SGTA: variants seen among roughly 807,000 people sequenced by gnomAD.
SGTA encodes small glutamine rich tetratricopeptide repeat co-chaperone alpha, also known as small glutamine-rich tetratricopeptide repeat-containing protein alpha.
In SGTA, 22 loss-of-function variants were observed where a neutral mutation model predicts 44.3. That is an observed-to-expected ratio of 0.50 (90% CI 0.36 to 0.71). SGTA has a LOEUF of 0.71. Among genes scored for constraint, SGTA ranks in the 30% least tolerant of loss-of-function variants. The pLI, the probability that SGTA is intolerant of heterozygous loss-of-function variation, is 0.00. For synonymous variants in SGTA, 174 were observed against 177.6 expected, an observed-to-expected ratio of 0.98 and a Z score of 0.16; for missense variants, 341 against 435.9, an observed-to-expected ratio of 0.78 and a Z score of 1.94.
At chr19:2,770,915 T>C in intron 1 of SGTA, 1 of 153,164 alleles carries the variant, frequency 6.5e-6, no homozygotes. Flanking sequence ...AAATCAATCT[T>C]GGTTGTTTTA....
At chr19:2,773,730 G>T (rs112816494) in intron 1 of SGTA, among the ~76,000 whole-genome samples, 1 of 26,616 alleles carries the variant, frequency 3.8e-5, no homozygotes, top group Non-Finnish European at 5.4e-5. Context: ...GCCACACGGC[G>T]GGGACACCGA....
Position 2,755,046 on chromosome 19 carries a change from T to C in SGTA, c.*894A>G, listed in dbSNP as rs2144714714. 6.6e-6 allele frequency: 1 copy of C among 152,312 alleles called. No homozygotes were observed. The highest frequency in any genetic ancestry group is 1.9e-4 in the East Asian group (1 of 5,162). 9.4% of individuals were successfully genotyped at this position (152,312 alleles called of 1,614,324 possible). ...GGGCCAAGGTGGGTGGCACCTGAGG[T>C]GTCCCGTGGCCTCCACCCAGCACAG... On this transcript the variant is annotated 3_prime_UTR_variant, in exon 12 of 12. Coordinates refer to ENST00000221566, the MANE Select transcript of SGTA (RefSeq NM_003021.4). This position sits in a 1 kb window ranked among gnomAD's most constrained non-coding sequence, Gnocchi z 5.2.
In SGTA at chr19:2,759,450, A is replaced by C. The variant is rs1327590309; in HGVS notation, c.700-156T>G. The C allele has an allele frequency of 4.5e-6, 3 of 660,376 alleles. No homozygotes were observed. The African/African-American group carries it at 5.4e-5, about 12-fold the overall frequency. The allele number at this position is 660,376 out of a possible 1,614,324, so 40.9% of individuals were successfully genotyped here. A position where few individuals can be genotyped will look rare whatever the true frequency, so the allele number is the denominator to read the frequency against. ...TTCGGTCTTTCATACCCTTTTCCCTACATTTTCGCCCCCCCACCCACGAGC... is the reference window on the plus strand; with the variant it reads ...TTCGGTCTTTCATACCCTTTTCCCTCCATTTTCGCCCCCCCACCCACGAGC... On this transcript the variant is annotated intron_variant, in intron 8 of 11. Coordinates refer to ENST00000221566, the MANE Select transcript of SGTA (RefSeq NM_003021.4).
chr19:2,779,778 AAC>A (rs1347903802), intron 1 of SGTA, among the ~76,000 whole-genome samples: 1 of 152,112 alleles, frequency 6.6e-6, no homozygotes, highest in Non-Finnish European at 1.5e-5. Context: ...ACAAAATCAA[AAC>A]ACAGCCACCT....
At chr19:2,760,996 T>A (rs967284068) in intron 8 of SGTA, among the ~76,000 whole-genome samples, 2 of 152,222 alleles carry the variant, frequency 1.3e-5, no homozygotes, top group Non-Finnish European at 2.9e-5. Context: ...TTTGGAAGCA[T>A]GAGTGCCCGG....
intron 8 of SGTA, chr19:2,759,542 C>A: frequency 1.9e-6 from 1 of 528,980 alleles, no homozygotes. Flanking sequence ...CTCGCAGCGC[C>A]ACAGCGCTCT....
intron 1 of SGTA, among the ~76,000 whole-genome samples, chr19:2,772,034 GTGTGTCACC>G (rs1915323063): frequency 1.3e-5 from 2 of 152,262 alleles, no homozygotes; most frequent in South Asian, 4.1e-4. Context: ...TGGCGGGGCT[GTGTGTCACC>G]GGCCTTCCTC....
At chr19:2,771,583 G>GT (rs1332553386) in intron 1 of SGTA, among the ~76,000 whole-genome samples, 6 of 151,760 alleles carry the variant, frequency 4.0e-5, no homozygotes, top group Non-Finnish European at 7.4e-5. Flanking sequence ...ATCGGGGGGG[G>GT]GGGGAGGGGT....
At position 2,763,015 on chromosome 19, in the gene SGTA, G is replaced by A. The variant is rs532725349; in HGVS notation, c.498-371C>T. Among the ~76,000 whole-genome samples the A allele has an allele frequency of 5.3e-5, 8 of 152,002 alleles. No homozygotes were observed. The highest frequency in any genetic ancestry group is 9.7e-5 in the African/African-American group (4 of 41,414). ...CCAAGGACCCTCGGAACCTCTGAGC[G>A]ACAGACATGTCTCCCGTCATCCACA... is the stretch of plus-strand genomic sequence containing the variant. On this transcript the variant is annotated intron_variant, in intron 6 of 11. Coordinates refer to ENST00000221566, the MANE Select transcript of SGTA (RefSeq NM_003021.4). The surrounding 1 kb of genome is among the most constrained non-coding windows in gnomAD (Gnocchi z 5.8).
At chr19:2,762,797 CT>C (rs145251906) in intron 6 of SGTA, among the ~76,000 whole-genome samples, 153 bp from the exon 7 acceptor site, 2,216 of 152,292 alleles carry the variant, frequency 0.015, 47 homozygotes, top group African/African-American at 0.05. Flanking sequence ...ACAAACCTGG[CT>C]TTCGAGGGGC....
At chr19:2,771,228 A>G (rs952116387) in intron 1 of SGTA, among the ~76,000 whole-genome samples, 2 of 152,164 alleles carry the variant, frequency 1.3e-5, no homozygotes, top group African/African-American at 2.4e-5. Context: ...GACAGAGACC[A>G]TCCTGGCCAA....
At chr19:2,771,579 G>T (rs1411335229) in intron 1 of SGTA, among the ~76,000 whole-genome samples, 1 of 151,688 alleles carries the variant, frequency 6.6e-6, no homozygotes. Flanking sequence ...CCCCATCGGG[G>T]GGGGGGGGAG....
At chr19:2,775,392 G>C (rs976969838) in intron 1 of SGTA, among the ~76,000 whole-genome samples, 1 of 152,204 alleles carries the variant, frequency 6.6e-6, no homozygotes, top group Non-Finnish European at 1.5e-5. Flanking sequence ...GCATTGGCCC[G>C]CCACGCTTTA....
chr19:2,757,303 G>C, intron 11 of SGTA, 34 bp downstream of exon 11: 2 of 1,594,216 alleles, frequency 1.3e-6, no homozygotes, highest in African/African-American at 1.3e-5. Flanking sequence ...CACTCCTGCT[G>C]GCCACCCCCC....
chr19:2,767,236 A>G lies in SGTA; in HGVS notation c.208-16T>C. 5.6e-6 allele frequency: 9 copies of G among 1,595,018 alleles called. No individual in the cohort carries two copies. Among genetic ancestry groups the G allele is most frequent in the Non-Finnish European group, 7.7e-6 (9 of 1,170,184 alleles). On this transcript the variant is annotated splice_polypyrimidine_tract_variant and intron_variant, in intron 3 of 11. Transcript: ENST00000221566. The surrounding 1 kb of genome is among the most constrained non-coding windows in gnomAD (Gnocchi z 7.3). ...GCGGCATCTCCTGGACCCGGAGGCA[A>G]AGGCGGCCCGCTGTCCTCTCCTCCC...
At position 2,776,122 on chromosome 19, in the gene SGTA, T is replaced by A. The variant is rs528634135; in HGVS notation, c.-23-7031A>T. The stretch of plus-strand genomic sequence containing the variant: ...AGTGAAACCACAAAAGCTGACGTCA[T>A]CCGCCCCGGCCAACAGGGTTCAGAG... On this transcript the variant is annotated intron_variant, in intron 1 of 11. Transcript: ENST00000221566. Among the ~76,000 whole-genome samples the A allele has an allele frequency of 4.6e-5, 7 of 152,238 alleles. No individual in the cohort carries two copies. In the South Asian group the frequency reaches 1.5e-3, roughly 32 times the overall value.
chr19:2,765,941 G>A lies in SGTA; in HGVS notation c.293-656C>T, dbSNP rs1211614985. Among the ~76,000 whole-genome samples the A allele has an allele frequency of 2.0e-5, 3 of 152,156 alleles. No individual in the cohort carries two copies. Among genetic ancestry groups the A allele is most frequent in the African/African-American group, 4.8e-5 (2 of 41,420 alleles). On this transcript the variant is annotated intron_variant, in intron 4 of 11. Coordinates refer to ENST00000221566, the MANE Select transcript of SGTA (RefSeq NM_003021.4). This position sits in a 1 kb window ranked among gnomAD's most constrained non-coding sequence, Gnocchi z 5.5. ...GCTTACGCTTTAAAAATATAAGCCC[G>A]GGCGCGGTGGCTCATGCTTATAATC...
chr19:2,781,337 T>A (rs1307372110), intron 1 of SGTA, among the ~76,000 whole-genome samples: 1 of 152,158 alleles, frequency 6.6e-6, no homozygotes, highest in Non-Finnish European at 1.5e-5. Context: ...ATGCGATAGC[T>A]TATTTTAGGG....
Position 2,765,358 on chromosome 19 carries a change from A to G in SGTA, c.293-73T>C. 1 of 1,159,304 alleles carries G rather than the reference A, an allele frequency of 8.6e-7. No homozygotes were observed. The allele number at this position is 1,159,304 out of a possible 1,614,324, so 71.8% of individuals were successfully genotyped here. ...GGGGGTGTCAGGGAGAGAGGAAAACACCGGCCTGGTGTCCACACAGACCCG... is the reference window on the plus strand; with the variant it reads ...GGGGGTGTCAGGGAGAGAGGAAAACGCCGGCCTGGTGTCCACACAGACCCG... On this transcript the variant is annotated intron_variant, in intron 4 of 11. Coordinates refer to ENST00000221566, the MANE Select transcript of SGTA (RefSeq NM_003021.4). The surrounding 1 kb of genome is among the most constrained non-coding windows in gnomAD (Gnocchi z 5.5).
Sources: gnomAD v4.1 joint callset for allele counts (sites outside exome capture counted in the v4.1 genomes callset) on GRCh38, gnomAD v4.1.1 for gene constraint, Gnocchi (gnomAD v3.1) non-coding constraint, MANE v1.5 for transcripts, NCBI Gene and HGNC (gene_info 2026-07-23, HGNC 2026-07-21) for gene names.